RNF180: variants seen among roughly 807,000 people sequenced by gnomAD.
RNF180 encodes E3 ubiquitin-protein ligase RNF180.
Under a neutral mutation model 59.2 loss-of-function variants are expected in RNF180, and 38 were observed. The ratio of observed to expected loss-of-function variants is 0.64; its 90% CI spans 0.50 to 0.84. The LOEUF (loss-of-function observed/expected upper bound fraction) is 0.84, where lower values mean the gene tolerates loss of function less well. Among genes scored for constraint, RNF180 ranks in the 40% least tolerant of loss-of-function variants. The pLI is 0.00. For synonymous variants in RNF180, 262 were observed against 240.3 expected, an observed-to-expected ratio of 1.09 and a Z score of -0.84; for missense variants, 705 against 700.9, an observed-to-expected ratio of 1.01 and a Z score of -0.07.
At chr5:64,197,174 C>G (rs1369033879) in intron 1 of RNF180, among the ~76,000 whole-genome samples, 1 of 152,052 alleles carries the variant, frequency 6.6e-6, no homozygotes, top group Non-Finnish European at 1.5e-5. Context: ...AATTCCAGTG[C>G]TTGGTATTAT....
chr5:64,210,216 T>G (rs1055877074), intron 2 of RNF180, among the ~76,000 whole-genome samples: 1 of 152,102 alleles, frequency 6.6e-6, no homozygotes, highest in African/African-American at 2.4e-5. Flanking sequence ...GTAACCCAAC[T>G]TATGTCTAAT....
intron 1 of RNF180, among the ~76,000 whole-genome samples, chr5:64,170,606 G>A (rs528840645): frequency 6.6e-6 from 1 of 152,118 alleles, no homozygotes; most frequent in Admixed American, 6.5e-5. Context: ...AAATTAAGAG[G>A]GATAAGAATC....
At chr5:64,195,614 T>C (rs186695306) in intron 1 of RNF180, among the ~76,000 whole-genome samples, 37 of 152,334 alleles carry the variant, frequency 2.4e-4, no homozygotes, top group Admixed American at 1.5e-3. Flanking sequence ...TAAGAGTTAA[T>C]TGCCTATGGC....
At chr5:64,365,211 C>A (rs1746401354) in intron 7 of RNF180, among the ~76,000 whole-genome samples, 1 of 150,940 alleles carries the variant, frequency 6.6e-6, no homozygotes, top group Admixed American at 6.6e-5. Context: ...CCTTTTAACT[C>A]TTCTCATTAG....
At chr5:64,194,790 T>C (rs1278215827) in intron 1 of RNF180, among the ~76,000 whole-genome samples, 4 of 152,240 alleles carry the variant, frequency 2.6e-5, no homozygotes, top group Non-Finnish European at 5.9e-5. Flanking sequence ...TTTGGCTGCA[T>C]AAATGTCTTC....
At chr5:64,313,916 C>T (rs1177617011) in intron 5 of RNF180, among the ~76,000 whole-genome samples, 1 of 152,102 alleles carries the variant, frequency 6.6e-6, no homozygotes, top group African/African-American at 2.4e-5. Flanking sequence ...TGATGTTGAG[C>T]ATTTTTTCAA....
chr5:64,254,943 T>C (rs1175570142), intron 5 of RNF180, among the ~76,000 whole-genome samples: 1 of 152,116 alleles, frequency 6.6e-6, no homozygotes, highest in Middle Eastern at 3.2e-3. Flanking sequence ...AGAGCCCCAT[T>C]TTCTTAGAAG....
In RNF180 at chr5:64,330,398, T is replaced by C; in HGVS notation, c.1571T>C (p.Leu524Pro). The C allele has an allele frequency of 2.0e-6, 3 of 1,534,986 alleles. No individual in the cohort carries two copies. The highest frequency in any genetic ancestry group is 1.4e-5 in the African/African-American group (1 of 71,750). Residue 524 changes from leucine to proline, a missense_variant, in exon 7 of 8, where the codon CTT becomes CCT. Transcript: ENST00000389100. ...CCAAGCTGCAGAAAAGCATTTCATC[T>C]TTTTGGAGGTAAGGAAATCTAACGC... Reference protein sequence around the residue: ...PLPSCRKAFHLFGGFRRHAAP... With the variant: ...PLPSCRKAFHPFGGFRRHAAP...
At position 64,179,835 on chromosome 5, in the gene RNF180, C is replaced by G. The variant is rs562911878; in HGVS notation, c.-1+13882C>G. On this transcript the variant is annotated intron_variant, in intron 1 of 7. Coordinates refer to ENST00000389100, the MANE Select transcript of RNF180 (RefSeq NM_001113561.2). ...CAAATTGCTTTCCAAAATGATTGTG[C>G]CTAGTTATACCTCCCCGTAGCAGTT... 3.3e-5 allele frequency among the ~76,000 whole-genome samples: 5 copies of G among 152,202 alleles called. No individual in the cohort carries two copies. In the East Asian group the frequency reaches 7.7e-4, roughly 23 times the overall value.
intron 5 of RNF180, among the ~76,000 whole-genome samples, chr5:64,219,041 G>A (rs956029967): frequency 6.6e-6 from 1 of 152,144 alleles, no homozygotes; most frequent in African/African-American, 2.4e-5. Context: ...CTGAATGGAG[G>A]TGTTGAGAGC....
At chr5:64,256,299 G>C (rs537803082) in intron 5 of RNF180, among the ~76,000 whole-genome samples, 37 of 152,254 alleles carry the variant, frequency 2.4e-4, no homozygotes, top group African/African-American at 8.9e-4. Context: ...GAATTGTATT[G>C]CCTAGGTTTT....
At chr5:64,189,655 T>C (rs997632104) in intron 1 of RNF180, among the ~76,000 whole-genome samples, 3 of 152,176 alleles carry the variant, frequency 2.0e-5, no homozygotes, top group Admixed American at 2.0e-4. Flanking sequence ...AGATGAATTA[T>C]ACAAGGAATT....
At chr5:64,202,938 C>A (rs1488556314) in intron 2 of RNF180, among the ~76,000 whole-genome samples, 1 of 152,212 alleles carries the variant, frequency 6.6e-6, no homozygotes, top group Admixed American at 6.5e-5. Flanking sequence ...CAATGAGGCT[C>A]CAGAGCCAGT....
chr5:64,310,858 A>G (rs905771592), intron 5 of RNF180, among the ~76,000 whole-genome samples: 3 of 151,910 alleles, frequency 2.0e-5, no homozygotes, highest in African/African-American at 7.2e-5. Context: ...TTCTGCTTAC[A>G]TTCCTTTGGT....
At chr5:64,339,422 C>T (rs1159544514) in intron 7 of RNF180, among the ~76,000 whole-genome samples, 1 of 152,012 alleles carries the variant, frequency 6.6e-6, no homozygotes, top group Non-Finnish European at 1.5e-5. Context: ...TTATAATAAA[C>T]CACACAATCA....
chr5:64,346,296 GT>G (rs144825664), intron 7 of RNF180, among the ~76,000 whole-genome samples: 2 of 108,932 alleles, frequency 1.8e-5, no homozygotes, highest in Non-Finnish European at 1.9e-5. Context: ...GGTTTGGTTT[GT>G]TTTTTTTTGA....
intron 5 of RNF180, among the ~76,000 whole-genome samples, chr5:64,238,838 A>G (rs545297535): frequency 1.3e-5 from 2 of 152,124 alleles, no homozygotes; most frequent in South Asian, 4.1e-4. Context: ...TTTGAGTTTG[A>G]TTAGTCCCAC....
chr5:64,267,497 C>T (rs1271682502), intron 5 of RNF180, among the ~76,000 whole-genome samples: 1 of 151,540 alleles, frequency 6.6e-6, no homozygotes, highest in Non-Finnish European at 1.5e-5. Flanking sequence ...TGCTATCCCT[C>T]CCCACTCCCC....
At chr5:64,172,174 T>G (rs1749974115) in intron 1 of RNF180, among the ~76,000 whole-genome samples, 2 of 152,156 alleles carry the variant, frequency 1.3e-5, no homozygotes, top group South Asian at 4.1e-4. Context: ...CCACTTCAAA[T>G]GCATAGTGAC....
Sources: gnomAD v4.1 joint callset for allele counts (sites outside exome capture counted in the v4.1 genomes callset) on GRCh38, gnomAD v4.1.1 for gene constraint, MANE v1.5 for transcripts, NCBI Gene and HGNC (gene_info 2026-07-23, HGNC 2026-07-21) for gene names.